FRMPD4: variants seen among roughly 807,000 people sequenced by gnomAD.
FRMPD4 encodes the protein FERM and PDZ domain-containing protein 4.
In FRMPD4, 22 loss-of-function variants were observed where a neutral mutation model predicts 94.1. That is an observed-to-expected ratio of 0.23 (90% CI 0.17 to 0.33). The LOEUF is 0.33. Ranked by LOEUF, FRMPD4 falls within the 10% of genes least tolerant of loss-of-function variation. The pLI is 1.00. For missense variants in FRMPD4, 1,111 were observed against 1,339.9 expected (o/e 0.83, Z 2.67); for synonymous variants, 631 against 548.6 (o/e 1.15, Z -2.10).
At chrX:12,480,333 G>GAAAAAAAAAAAAAAAAAAAAGAAA (rs35074731) in intron 1 of FRMPD4, among the ~76,000 whole-genome samples, 1 of 54,670 alleles carries the variant, frequency 1.8e-5, no homozygotes. Context: ...GAAAAGAAAT[G>GAAAAAAAAAAAAAAAAAAAAGAAA]AAAAAAAAAA....
chrX:12,509,761 G>T (rs1198541588), intron 2 of FRMPD4, among the ~76,000 whole-genome samples: 4 of 111,819 alleles, frequency 3.6e-5, no homozygotes, highest in Non-Finnish European at 5.6e-5. Flanking sequence ...TAAGAATTTA[G>T]GCATTTAGGT....
At chrX:12,085,552 GAATTAA>G (rs1445914697) in intron 3 of FRMPD4, among the ~76,000 whole-genome samples, 1 of 110,795 alleles carries the variant, frequency 9.0e-6, no homozygotes, top group Non-Finnish European at 1.9e-5. Context: ...AGAAATTAGT[GAATTAA>G]AATTAAAATT....
At chrX:12,205,687 C>T (rs5935268) in intron 1 of FRMPD4, among the ~76,000 whole-genome samples, 52,447 of 110,808 alleles carry the variant, frequency 0.47, 8,836 homozygotes, top group African/African-American at 0.5. Context: ...CGGTGCATTG[C>T]ATTGTTTCCT....
chrX:12,479,673 T>A (rs28494938), intron 1 of FRMPD4, among the ~76,000 whole-genome samples: 3 of 107,883 alleles, frequency 2.8e-5, no homozygotes, highest in East Asian at 2.9e-4. Flanking sequence ...ATTTTTTTTT[T>A]ATTTTTTGTA....
intron 1 of FRMPD4, among the ~76,000 whole-genome samples, chrX:12,259,327 T>G (rs5933975): frequency 0.44 from 48,091 of 109,918 alleles, 7,529 homozygotes; most frequent in Non-Finnish European, 0.47. Flanking sequence ...GACTGATGTC[T>G]TTATGAGAAG....
At chrX:11,922,321 G>A (rs773632696) in intron 3 of FRMPD4, among the ~76,000 whole-genome samples, 1 of 110,843 alleles carries the variant, frequency 9.0e-6, no homozygotes, top group South Asian at 3.9e-4. Context: ...GCGGGTGTGG[G>A]GTGCCACATA....
chrX:11,970,921 C>T (rs2054336878), intron 3 of FRMPD4, among the ~76,000 whole-genome samples: 1 of 111,822 alleles, frequency 8.9e-6, no homozygotes, highest in African/African-American at 3.2e-5. Context: ...CCAGTTTAAG[C>T]CTCCCCAACA....
At chrX:12,095,182 C>T (rs4830755) in intron 3 of FRMPD4, among the ~76,000 whole-genome samples, 51,267 of 109,189 alleles carry the variant, frequency 0.47, 8,805 homozygotes, top group Middle Eastern at 0.52. Flanking sequence ...TTTGAAACCA[C>T]CCTGGGTAAT....
At chrX:11,824,383 G>T (rs2053428857) in intron 1 of FRMPD4, among the ~76,000 whole-genome samples, 1 of 111,791 alleles carries the variant, frequency 8.9e-6, no homozygotes, top group Non-Finnish European at 1.9e-5. Flanking sequence ...GTACATCATG[G>T]CATCTTTTAG....
intron 1 of FRMPD4, among the ~76,000 whole-genome samples, chrX:12,343,274 C>G (rs189037667): frequency 8.9e-6 from 1 of 112,026 alleles, no homozygotes; most frequent in East Asian, 2.8e-4. Context: ...TGACCTTGGA[C>G]TGGTGGATTA....
At chrX:12,111,681 G>C (rs748746475) in intron 3 of FRMPD4, among the ~76,000 whole-genome samples, 1 of 111,777 alleles carries the variant, frequency 8.9e-6, no homozygotes, top group South Asian at 3.8e-4. Context: ...TCTGACAAAG[G>C]GCTGCTATCC....
At chrX:12,441,016 A>G (rs910660137) in intron 1 of FRMPD4, among the ~76,000 whole-genome samples, 3 of 112,281 alleles carry the variant, frequency 2.7e-5, no homozygotes, top group Admixed American at 9.4e-5. Context: ...TTTGATGCTC[A>G]TTTAGGAGGT....
intron 3 of FRMPD4, among the ~76,000 whole-genome samples, chrX:11,977,111 G>GT (rs1219774847): frequency 2.7e-5 from 3 of 111,851 alleles, no homozygotes; most frequent in African/African-American, 9.8e-5. Context: ...TTTAATAAAA[G>GT]TTAAAAAGGC....
chrX:12,083,719 C>T (rs1171349186), intron 3 of FRMPD4, among the ~76,000 whole-genome samples: 1 of 112,725 alleles, frequency 8.9e-6, no homozygotes, highest in African/African-American at 3.2e-5. Context: ...TGGGAACCCA[C>T]CTCTTGCATC....
intron 1 of FRMPD4, among the ~76,000 whole-genome samples, chrX:12,270,081 A>G (rs1215546220): frequency 8.9e-6 from 1 of 111,945 alleles, no homozygotes; most frequent in East Asian, 2.8e-4. Context: ...CTTCAGAAAG[A>G]ATTTCCAGTT....
intron 4 of FRMPD4, among the ~76,000 whole-genome samples, chrX:12,656,592 G>A (rs2059658360): frequency 8.9e-6 from 1 of 112,094 alleles, no homozygotes. Flanking sequence ...CTGAGTGAAA[G>A]AAGAAAGAAA....
At position 12,367,359 on chromosome X, in the gene FRMPD4, G is replaced by A. The variant is rs113346181; in HGVS notation, c.42-131321G>A. On this transcript the variant is annotated intron_variant, in intron 1 of 16. Coordinates refer to ENST00000675598, the MANE Select transcript of FRMPD4 (RefSeq NM_001368397.1). ...CCTGCACATATAGCACTGCAGCATTGCCTACCCCAGGGGCACCCTTCACAT... is the reference window on the plus strand; with the variant it reads ...CCTGCACATATAGCACTGCAGCATTACCTACCCCAGGGGCACCCTTCACAT... Among the ~76,000 whole-genome samples the A allele has an allele frequency of 4.5e-5, 5 of 112,281 alleles. No individual in the cohort carries two copies. The East Asian group carries it at 8.5e-4, about 19-fold the overall frequency.
intron 3 of FRMPD4, among the ~76,000 whole-genome samples, chrX:12,069,930 C>A (rs1010563212): frequency 6.3e-5 from 7 of 111,625 alleles, no homozygotes; most frequent in Non-Finnish European, 9.4e-5. Flanking sequence ...GAAAAAACGA[C>A]CTGATGGCAG....
At chrX:12,620,772 G>C (rs1349347144) in intron 4 of FRMPD4, among the ~76,000 whole-genome samples, 1 of 112,324 alleles carries the variant, frequency 8.9e-6, no homozygotes, top group Non-Finnish European at 1.9e-5. Flanking sequence ...AGTCTATAAA[G>C]ACCAGTCTGT....
Sources: gnomAD v4.1 joint callset for allele counts (sites outside exome capture counted in the v4.1 genomes callset) on GRCh38, gnomAD v4.1.1 for gene constraint, MANE v1.5 for transcripts, NCBI Gene and HGNC (gene_info 2026-07-23, HGNC 2026-07-21) for gene names.